Variants in GFM2 observed in about 807,000 individuals in gnomAD.
GFM2 encodes GTP dependent ribosome recycling factor mitochondrial 2.
GFM2 carries 72 observed loss-of-function variants against 95.4 expected under a neutral mutation model. The ratio of observed to expected loss-of-function variants is 0.76; its 90% CI spans 0.62 to 0.92. The LOEUF (loss-of-function observed/expected upper bound fraction) is 0.92, where lower values mean the gene tolerates loss of function less well. GFM2 is among the 40% of genes least tolerant of loss of function. GFM2 has a pLI of 0.00. For synonymous variants in GFM2, 276 were observed against 317.5 expected (o/e 0.87, Z 1.39); for missense variants, 825 against 924.1 (o/e 0.89, Z 1.39).
Position 74,726,021 on chromosome 5 carries a change from TA to T in GFM2, c.1831del (p.Tyr611MetfsTer10). On this transcript the variant is annotated frameshift_variant, in exon 18 of 21. Transcript: ENST00000296805. LOFTEE classifies it high-confidence loss of function. ...SSVMPVIEFE[Y>X]AESINEGLLK... ...AAGGCCTTCATTGATACTTTCAGCA[TA>T]CTCAAACTCAATCACAGGCATAACA... 1 of 1,612,596 alleles carries T rather than the reference TA, an allele frequency of 6.2e-7. No homozygotes were observed. The highest frequency in any genetic ancestry group is 8.5e-7 in the Non-Finnish European group (1 of 1,179,564).
intron 7 of GFM2, among the ~76,000 whole-genome samples, chr5:74,748,554 T>A (rs574813377): frequency 1.1e-3 from 168 of 152,282 alleles, no homozygotes; most frequent in Non-Finnish European, 2.0e-3. Context: ...TCTTTTTAAT[T>A]ATACATACGT....
chr5:74,722,810 CAG>C (rs1431387018), intron 19 of GFM2, among the ~76,000 whole-genome samples: 2 of 152,128 alleles, frequency 1.3e-5, no homozygotes, highest in Non-Finnish European at 2.9e-5. Flanking sequence ...GTCAGAGTCA[CAG>C]AAAGTCCTCC....
intron 12 of GFM2, 81 bp from the exon 13 acceptor site, chr5:74,738,723 T>C: frequency 7.5e-7 from 1 of 1,334,572 alleles, no homozygotes; most frequent in African/African-American, 1.5e-5. Flanking sequence ...TCCCCAAAGA[T>C]CTATTTTATC....
chr5:74,749,516 G>A (rs1231958580), intron 7 of GFM2, among the ~76,000 whole-genome samples: 1 of 152,050 alleles, frequency 6.6e-6, no homozygotes, highest in Non-Finnish European at 1.5e-5. Flanking sequence ...GTGTTCTTTT[G>A]TGAAGTGTCC....
At chr5:74,747,007 C>T (rs947626734) in intron 8 of GFM2, among the ~76,000 whole-genome samples, 1 of 152,164 alleles carries the variant, frequency 6.6e-6, no homozygotes, top group African/African-American at 2.4e-5. Context: ...GCCATTCTCC[C>T]ATCACAGGCC....
At chr5:74,724,627 TAAG>T (rs1262395500) in intron 19 of GFM2, among the ~76,000 whole-genome samples, 1 of 152,208 alleles carries the variant, frequency 6.6e-6, no homozygotes, top group East Asian at 1.9e-4. Flanking sequence ...AAAAGCTTTT[TAAG>T]AAGTATAAAT....
At chr5:74,742,530 T>A (rs1461848342) in intron 10 of GFM2, among the ~76,000 whole-genome samples, 2 of 152,232 alleles carry the variant, frequency 1.3e-5, no homozygotes, top group African/African-American at 2.4e-5. Flanking sequence ...TATATACTAG[T>A]GTATAATAAG....
chr5:74,729,546 G>A (rs13165852), intron 17 of GFM2, among the ~76,000 whole-genome samples: 1 of 152,142 alleles, frequency 6.6e-6, no homozygotes, highest in Non-Finnish European at 1.5e-5. Context: ...CAGATAAACA[G>A]TCCAGAAAGA....
chr5:74,747,955 AGCCGGGAAC>A lies in GFM2; in HGVS notation c.520-184_520-176del, dbSNP rs1421592837. 4.6e-5 allele frequency among the ~76,000 whole-genome samples: 7 copies of A among 152,252 alleles called. No homozygotes were observed. In the East Asian group the frequency reaches 1.3e-3, roughly 29 times the overall value. Reference sequence around the variant, plus strand: ...CACTCTTTAGCTATCAAGTTAACACAGCCGGGAACGTGATGAAGTGTGAAGGGGAGTGTG... The same window carrying A: ...CACTCTTTAGCTATCAAGTTAACACAGTGATGAAGTGTGAAGGGGAGTGTG... On this transcript the variant is annotated intron_variant, in intron 7 of 20. Coordinates refer to ENST00000296805, the MANE Select transcript of GFM2 (RefSeq NM_032380.5).
chr5:74,729,641 A>G (rs1432792689), intron 17 of GFM2, among the ~76,000 whole-genome samples: 1 of 151,392 alleles, frequency 6.6e-6, no homozygotes, highest in African/African-American at 2.4e-5. Context: ...CTCACAAACT[A>G]ATGAGGAACT....
chr5:74,749,708 TATA>T (rs1365974111), intron 7 of GFM2, among the ~76,000 whole-genome samples: 3 of 152,228 alleles, frequency 2.0e-5, no homozygotes, highest in African/African-American at 7.2e-5. Flanking sequence ...TTAATATTTG[TATA>T]ATATGTTTAT....
intron 4 of GFM2, 80 bp downstream of exon 4, chr5:74,759,289 A>G (rs1744159955): frequency 1.2e-6 from 1 of 811,308 alleles, no homozygotes; most frequent in Non-Finnish European, 2.1e-6. Context: ...AAATTACAGC[A>G]TTCACTCTTG....
At chr5:74,738,740 T>C (rs1283969402) in intron 12 of GFM2, 98 bp from the exon 13 acceptor site, 2 of 1,021,688 alleles carry the variant, frequency 2.0e-6, no homozygotes, top group African/African-American at 1.6e-5. Flanking sequence ...TATCTTCTAG[T>C]AGAGCTACTT....
At position 74,732,978 on chromosome 5, in the gene GFM2, A is replaced by ACACACACACT. The variant is rs757708241; in HGVS notation, c.1587+43_1587+44insAGTGTGTGTG. On this transcript the variant is annotated intron_variant, in intron 16 of 20. Coordinates refer to ENST00000296805, the MANE Select transcript of GFM2 (RefSeq NM_032380.5). ...CACACACACACACACACACACACAC[A>ACACACACACT]CTCTTATAGAAAGGCTTCTGGAGTT... The ACACACACACT allele has an allele frequency of 1.7e-4, 164 of 946,692 alleles. No homozygotes were observed. The African/African-American group carries it at 2.7e-3, about 16-fold the overall frequency. The allele number at this position is 946,692 out of a possible 1,614,324, so 58.6% of individuals were successfully genotyped here.
chr5:74,748,607 G>A (rs1468924200), intron 7 of GFM2, among the ~76,000 whole-genome samples: 10 of 152,260 alleles, frequency 6.6e-5, no homozygotes, highest in Admixed American at 5.9e-4. Flanking sequence ...GCTCACGCCT[G>A]TAATCCCAGC....
chr5:74,726,413 T>C (rs953876535), intron 17 of GFM2, among the ~76,000 whole-genome samples: 2 of 152,212 alleles, frequency 1.3e-5, no homozygotes, highest in Admixed American at 6.5e-5. Context: ...TTTTAAACTT[T>C]TCAAAATGTC....
intron 10 of GFM2, among the ~76,000 whole-genome samples, chr5:74,743,111 T>C (rs1743194921): frequency 6.6e-6 from 1 of 152,230 alleles, no homozygotes; most frequent in South Asian, 2.1e-4. Flanking sequence ...CCCCAGCCCA[T>C]GGCAACTGCC....
In GFM2 at chr5:74,760,659, C is replaced by T. The variant is rs76560612; in HGVS notation, c.148+243G>A. Among the ~76,000 whole-genome samples, 787 of 152,288 alleles carry T rather than the reference C, an allele frequency of 5.2e-3. 21 individuals carry two copies. In the East Asian group the frequency reaches 0.056, roughly 11 times the overall value. ...ACATGTTAAACTTGCAAACTAGCTA[C>T]TAAAGCCACCAACCTTTCCTTTGCT... is the stretch of plus-strand genomic sequence containing the variant. On this transcript the variant is annotated intron_variant, in intron 3 of 20. Coordinates refer to ENST00000296805, the MANE Select transcript of GFM2 (RefSeq NM_032380.5).
chr5:74,760,934 A>C lies in GFM2; in HGVS notation c.116T>G (p.Val39Gly). The change falls in exon 3 of 21, where the codon GTG becomes GGG. Residue 39 changes from valine (V) to glycine (G), a missense_variant. Transcript: ENST00000296805. Reference protein sequence around the residue: ...RASLKRLKPHVPLGRNCSSLP... With the variant: ...RASLKRLKPHGPLGRNCSSLP... Reference sequence around the variant, plus strand: ...AGAACTGCAATTTCTTCCAAGCGGCACATGTGGCTTTAATCTTTTTAAACT... The same window carrying C: ...AGAACTGCAATTTCTTCCAAGCGGCCCATGTGGCTTTAATCTTTTTAAACT... 6.2e-7 allele frequency: 1 copy of C among 1,611,118 alleles called. No homozygotes were observed. The highest frequency in any genetic ancestry group is 8.5e-7 in the Non-Finnish European group (1 of 1,177,584).
Sources: allele counts gnomAD v4.1 joint callset (sites outside exome capture counted in the v4.1 genomes callset), GRCh38; gene constraint gnomAD v4.1.1; transcripts MANE v1.5; gene names NCBI Gene and HGNC (gene_info 2026-07-23, HGNC 2026-07-21).